The following KIF5A variants were observed in gnomAD, a reference collection of about 807,000 sequenced individuals.
KIF5A encodes the protein kinesin family member 5A.
KIF5A carries 35 observed loss-of-function variants against 141.3 expected under a neutral mutation model. That is an observed-to-expected ratio of 0.25 (90% CI 0.19 to 0.33). The LOEUF (loss-of-function observed/expected upper bound fraction) is 0.33, where lower values mean the gene tolerates loss of function less well. Ranked by LOEUF, KIF5A falls within the 10% of genes least tolerant of loss-of-function variation. KIF5A has a pLI of 1.00. For missense variants in KIF5A, 861 were observed against 1,314.3 expected (o/e 0.66, Z 5.33); for synonymous variants, 448 against 500.2 (o/e 0.90, Z 1.39).
At chr12:57,565,044 C>T (rs1882021118) in intron 6 of KIF5A, 71 bp downstream of exon 6, 1 of 1,394,920 alleles carries the variant, frequency 7.2e-7, no homozygotes, top group Admixed American at 1.7e-5. Flanking sequence ...GAGCATAGGT[C>T]AGTGACCCTG....
Position 57,576,154 on chromosome 12 carries a change from G to T in KIF5A, c.2088+3G>T. 6.2e-7 allele frequency: 1 copy of T among 1,614,138 alleles called. No individual in the cohort carries two copies. Among genetic ancestry groups the T allele is most frequent in the South Asian group, 1.1e-5 (1 of 91,074 alleles). ...CTCAGGATGCAGATGAAGTGAAGGT[G>T]AGTAAGGAAGGTGTCAGGGACAATT... On this transcript the variant is annotated splice_donor_region_variant and intron_variant, in intron 18 of 28. Transcript: ENST00000455537.
chr12:57,560,879 T>C (rs1297863285), intron 1 of KIF5A, among the ~76,000 whole-genome samples: 1 of 152,050 alleles, frequency 6.6e-6, no homozygotes, highest in Non-Finnish European at 1.5e-5. Context: ...GGTATGTGCC[T>C]GTGGTCCCAG....
At position 57,567,231 on chromosome 12, in the gene KIF5A, G is replaced by T; in HGVS notation, c.589+18G>T. The T allele has an allele frequency of 6.3e-7, 1 of 1,576,690 alleles. No homozygotes were observed. Among genetic ancestry groups the T allele is most frequent in the Non-Finnish European group, 8.7e-7 (1 of 1,146,780 alleles). On this transcript the variant is annotated intron_variant, in intron 7 of 28. Transcript: ENST00000455537. ...TGTCACCAGTGAGTGAGGATACAAG[G>T]GGATCTCTCGAGTCTGAGGATCCAC... is the stretch of plus-strand genomic sequence containing the variant.
chr12:57,580,679 T>G (rs1373096725), intron 23 of KIF5A, among the ~76,000 whole-genome samples: 1 of 152,212 alleles, frequency 6.6e-6, no homozygotes, highest in Non-Finnish European at 1.5e-5. Context: ...AGTTCTGGGC[T>G]GCAGTGGAGA....
intron 28 of KIF5A, 35 bp downstream of exon 28, chr12:57,583,250 G>T: frequency 7.5e-7 from 1 of 1,326,770 alleles, no homozygotes; most frequent in Non-Finnish European, 1.1e-6. Context: ...CCAGCCTCAG[G>T]TTGCTTCCCT....
At chr12:57,576,927 C>A in intron 20 of KIF5A, 65 bp downstream of exon 20, 2 of 1,203,094 alleles carry the variant, frequency 1.7e-6, no homozygotes, top group Non-Finnish European at 2.4e-6. Context: ...AACTCAGACA[C>A]GCTTGCAGAG....
At chr12:57,552,164 G>A (rs1168312547) in intron 1 of KIF5A, among the ~76,000 whole-genome samples, 1 of 152,108 alleles carries the variant, frequency 6.6e-6, no homozygotes, top group Non-Finnish European at 1.5e-5. Flanking sequence ...GATGATGGGG[G>A]CAAAACTTTT....
rs980826775 is a variant in KIF5A, at chr12:57,550,122, C to T, written c.-150C>T. The T allele has an allele frequency of 1.9e-6, 2 of 1,075,590 alleles. No homozygotes were observed. Among genetic ancestry groups the T allele is most frequent in the Non-Finnish European group, 2.8e-6 (2 of 716,716 alleles). 66.6% of individuals were successfully genotyped at this position (1,075,590 alleles called of 1,614,324 possible). ...AGAGAGACAGCGCGCCCCGGCCCTG[C>T]TCCCCAGGCTTCGCCCGGGCGCCCT... On this transcript the variant is annotated 5_prime_UTR_variant, in exon 1 of 29. Transcript: ENST00000455537. The surrounding 1 kb of genome is among the most constrained non-coding windows in gnomAD (Gnocchi z 4.6).
intron 26 of KIF5A, 90 bp downstream of exon 26, chr12:57,582,042 ACT>A: frequency 9.6e-7 from 1 of 1,044,808 alleles, no homozygotes; most frequent in Non-Finnish European, 1.5e-6. Flanking sequence ...TACAAAAAAC[ACT>A]GACTGAACCT....
chr12:57,572,527 G>T lies in KIF5A; in HGVS notation c.1570-53G>T. ...GAAGGGAGAGGCCTCTGCCTGGGCT[G>T]GGCAAGGGAGCAGGAGGATGGCAAC... On this transcript the variant is annotated intron_variant, in intron 14 of 28. Transcript: ENST00000455537. This position sits in a 1 kb window ranked among gnomAD's most constrained non-coding sequence, Gnocchi z 4.2. The T allele has an allele frequency of 6.2e-7, 1 of 1,612,354 alleles. No individual in the cohort carries two copies.
chr12:57,575,021 G>A, intron 15 of KIF5A, 63 bp from the exon 16 acceptor site: 1 of 1,503,362 alleles, frequency 6.7e-7, no homozygotes, highest in Non-Finnish European at 9.3e-7. Flanking sequence ...GTAGAAGGTG[G>A]GAGGGAACAG....
chr12:57,556,390 G>A (rs1374880371), intron 1 of KIF5A, among the ~76,000 whole-genome samples: 8 of 151,824 alleles, frequency 5.3e-5, no homozygotes, highest in African/African-American at 1.9e-4. Context: ...CACCCGCCTC[G>A]GCCTCCCAAA....
chr12:57,582,657 T>C (rs751550180), intron 27 of KIF5A, 28 bp downstream of exon 27: 1 of 1,584,666 alleles, frequency 6.3e-7, no homozygotes, highest in Admixed American at 1.7e-5. Flanking sequence ...ACCCCTGGGT[T>C]CTCTGGGTGG....
chr12:57,551,147 T>C (rs1346365989), intron 1 of KIF5A, among the ~76,000 whole-genome samples: 10 of 152,074 alleles, frequency 6.6e-5, no homozygotes, highest in Admixed American at 2.0e-4. Flanking sequence ...TCCTTTCTCT[T>C]GAGGATCCAA....
Position 57,572,238 on chromosome 12 carries a change from C to A in KIF5A, c.1540C>A (p.Leu514Ile). Residue 514 changes from leucine (L) to isoleucine (I), a missense_variant, in exon 14 of 29, where the codon CTT becomes ATT. Transcript: ENST00000455537. This position sits in a 1 kb window ranked among gnomAD's most constrained non-coding sequence, Gnocchi z 4.2. Reference protein sequence around the residue: ...EVEEKSQQNQLLVDELSQKVA... With the variant: ...EVEEKSQQNQILVDELSQKVA... ...GGAGGAGAAGAGCCAGCAGAACCAG[C>A]TTCTGGTGGATGAGCTGTCTCAGAA... 1 of 1,605,324 alleles carries A rather than the reference C, an allele frequency of 6.2e-7. No homozygotes were observed. Among genetic ancestry groups the A allele is most frequent in the Non-Finnish European group, 8.5e-7 (1 of 1,175,738 alleles).
chr12:57,558,462 T>A (rs1173225841), intron 1 of KIF5A, among the ~76,000 whole-genome samples: 1 of 152,216 alleles, frequency 6.6e-6, no homozygotes, highest in East Asian at 2.0e-4. Flanking sequence ...TCACCTGAGG[T>A]CAGGAGTTCA....
intron 22 of KIF5A, 74 bp downstream of exon 22, chr12:57,578,154 C>T (rs1434475944): frequency 2.5e-6 from 4 of 1,575,280 alleles, no homozygotes; most frequent in East Asian, 2.2e-5. Context: ...GCCCCTGTTG[C>T]CCCTATGGGG....
Position 57,569,642 on chromosome 12 carries a change from C to T in KIF5A, c.1076C>T (p.Thr359Met), listed in dbSNP as rs774586838. 33 of 1,613,862 alleles carry T rather than the reference C, an allele frequency of 2.0e-5. No individual in the cohort carries two copies. The highest frequency in any genetic ancestry group is 1.6e-4 in the Middle Eastern group (1 of 6,078). ...EKEKTKAQKE[T>M]IAKLEAELSR... ...GAGAAGACAAAGGCCCAGAAGGAGA[C>T]GATTGCGAAGCTGGAGGCTGAGCTG... The change falls in exon 11 of 29, where the codon ACG becomes ATG. Residue 359 changes from threonine (T) to methionine (M), a missense_variant. Physicochemically the swap from Thr to Met is moderately conservative, Grantham distance 81. This residue lies in a region of KIF5A where 167 missense variants were observed against 192.0 expected (regional missense o/e 0.87). Transcript: ENST00000455537.
intron 28 of KIF5A, 84 bp downstream of exon 28, chr12:57,583,299 C>A: frequency 1.6e-6 from 1 of 641,356 alleles, no homozygotes; most frequent in Non-Finnish European, 2.7e-6. Flanking sequence ...GCTGCTGCTT[C>A]TTTTTTTTTT....
Sources: allele counts gnomAD v4.1 joint callset (sites outside exome capture counted in the v4.1 genomes callset), GRCh38; gene constraint gnomAD v4.1.1; regional missense constraint gnomAD v4.1.1; non-coding constraint Gnocchi (gnomAD v3.1); transcripts MANE v1.5; gene names NCBI Gene and HGNC (gene_info 2026-07-23, HGNC 2026-07-21).